Variants in MYO10 observed in about 807,000 individuals in gnomAD.
MYO10 encodes the protein unconventional myosin-X.
MYO10 carries 133 observed loss-of-function variants against 257.3 expected under a neutral mutation model. That is an observed-to-expected ratio of 0.52 (90% confidence interval 0.45 to 0.60). The LOEUF is 0.60. Ranked by LOEUF, MYO10 falls within the 20% of genes least tolerant of loss-of-function variation. The probability of loss-of-function intolerance (pLI) is 0.00; values close to 1 mark genes in which losing one functional copy is unlikely to be tolerated. For synonymous variants in MYO10, 1,104 were observed against 1,028.6 expected (o/e 1.07, Z -1.40); for missense variants, 2,399 against 2,635.7 (o/e 0.91, Z 1.97).
chr5:16,761,484 G>A lies in MYO10; in HGVS notation c.1719C>T (p.Leu573=), dbSNP rs780592938. 5.6e-6 allele frequency: 9 copies of A among 1,613,052 alleles called. No individual in the cohort carries two copies. The highest frequency in any genetic ancestry group is 1.6e-4 in the Middle Eastern group (1 of 6,084). ...CATACCGGCTTTCTCTTAGCAAATT[G>A]AGAAGGTCATCTCGAAATGTATCTC... is the stretch of plus-strand genomic sequence containing the variant. ...KNRDTFRDDL[L]NLLRESRFDF... Residue 573 remains leucine, a synonymous_variant, in exon 17 of 41, where the codon CTC becomes CTT. Coordinates refer to ENST00000513610, the MANE Select transcript of MYO10 (RefSeq NM_012334.3).
chr5:16,815,252 G>A, intron 3 of MYO10: 1 of 511,522 alleles, frequency 2.0e-6, no homozygotes, highest in Non-Finnish European at 3.4e-6. Flanking sequence ...GAAATGCCTG[G>A]GACACAAAGT....
At chr5:16,793,260 A>G (rs1741824889) in intron 4 of MYO10, among the ~76,000 whole-genome samples, 2 of 152,170 alleles carry the variant, frequency 1.3e-5, no homozygotes, top group South Asian at 4.1e-4. Flanking sequence ...ACAAACTCCA[A>G]CAGGATGTCA....
intron 26 of MYO10, 143 bp from the exon 27 acceptor site, chr5:16,694,757 A>G: frequency 9.4e-7 from 1 of 1,068,914 alleles, no homozygotes; most frequent in Non-Finnish European, 1.4e-6. Context: ...CTCAGTGAGG[A>G]GTGGCACTGC....
Position 16,681,863 on chromosome 5 carries a change from G to A in MYO10, c.4189+8C>T. 3.7e-6 allele frequency: 6 copies of A among 1,613,442 alleles called. No individual in the cohort carries two copies. The highest frequency in any genetic ancestry group is 5.1e-6 in the Non-Finnish European group (6 of 1,179,554). ...TAAGCAGACCGAGGAAGCAGGGCAGGCAGTCACCTCTCACGATGAATTCCT... is the reference window on the plus strand; with the variant it reads ...TAAGCAGACCGAGGAAGCAGGGCAGACAGTCACCTCTCACGATGAATTCCT... On this transcript the variant is annotated splice_region_variant and intron_variant, in intron 31 of 40. Coordinates refer to ENST00000513610, the MANE Select transcript of MYO10 (RefSeq NM_012334.3).
At position 16,670,763 on chromosome 5, in the gene MYO10, C is replaced by T. The variant is rs772693316; in HGVS notation, c.5646G>A (p.Thr1882=). ...GCCTCAGGGTCCCCTCTAGGAAGCT[C>T]GTCCGCCTCTTCTCCAGCCGTTCAC... ...TPCERLEKRR[T]SFLEGTLRRS... Residue 1882 remains threonine, a synonymous_variant, in exon 39 of 41, where the codon ACG becomes ACA. Coordinates refer to ENST00000513610, the MANE Select transcript of MYO10 (RefSeq NM_012334.3). 1.4e-5 allele frequency: 23 copies of T among 1,613,906 alleles called. No individual in the cohort carries two copies. Among genetic ancestry groups the T allele is most frequent in the Middle Eastern group, 1.6e-4 (1 of 6,084 alleles).
chr5:16,664,424 A>G lies in MYO10; in HGVS notation c.*2268T>C, dbSNP rs1736080403. ...CTGAGCCTAAAATAAAAACAAAGAC[A>G]ACACACATCCAAGTCTTTGCCGGCT... On this transcript the variant is annotated 3_prime_UTR_variant, in exon 41 of 41. Coordinates refer to ENST00000513610, the MANE Select transcript of MYO10 (RefSeq NM_012334.3). 1 of 152,198 alleles carries G rather than the reference A, an allele frequency of 6.6e-6. No homozygotes were observed. Among genetic ancestry groups the G allele is most frequent in the Non-Finnish European group, 1.5e-5 (1 of 68,054 alleles). The allele number at this position is 152,198 out of a possible 1,614,324, so 9.4% of individuals were successfully genotyped here. A position where few individuals can be genotyped will look rare whatever the true frequency, so the allele number is the denominator to read the frequency against.
intron 28 of MYO10, among the ~76,000 whole-genome samples, chr5:16,689,075 T>G (rs1320329631): frequency 6.6e-6 from 1 of 152,206 alleles, no homozygotes; most frequent in Non-Finnish European, 1.5e-5. Context: ...AGAAGTTCAA[T>G]GTCTCCATTC....
intron 38 of MYO10, 148 bp from the exon 39 acceptor site, chr5:16,671,126 C>T (rs1736439233): frequency 2.5e-6 from 2 of 813,022 alleles, no homozygotes; most frequent in East Asian, 5.4e-5. Context: ...ACCCCTGGCT[C>T]ACTGCTTTAA....
chr5:16,778,043 G>A (rs1741275797), intron 9 of MYO10, among the ~76,000 whole-genome samples: 1 of 151,634 alleles, frequency 6.6e-6, no homozygotes, highest in African/African-American at 2.4e-5. Context: ...GCAGTGACGG[G>A]GTTTCACTAT....
chr5:16,674,522 T>C (rs1424305872), intron 35 of MYO10, among the ~76,000 whole-genome samples: 1 of 151,476 alleles, frequency 6.6e-6, no homozygotes, highest in African/African-American at 2.4e-5. Context: ...AAAATCTCAA[T>C]TAGATTGTTT....
At chr5:16,684,641 C>T (rs968672077) in intron 29 of MYO10, among the ~76,000 whole-genome samples, 3 of 152,216 alleles carry the variant, frequency 2.0e-5, no homozygotes, top group African/African-American at 7.2e-5. Context: ...TTAAATCTTA[C>T]ACTTCTTCTC....
At chr5:16,739,897 T>C (rs1007717687) in intron 19 of MYO10, among the ~76,000 whole-genome samples, 19 of 152,070 alleles carry the variant, frequency 1.2e-4, no homozygotes, top group African/African-American at 4.6e-4. Context: ...TGAGGAGGGG[T>C]GAACGCAAAC....
intron 21 of MYO10, among the ~76,000 whole-genome samples, chr5:16,709,669 G>A (rs879355204): frequency 6.6e-6 from 1 of 152,230 alleles, no homozygotes; most frequent in Non-Finnish European, 1.5e-5. Context: ...TACAGGGACT[G>A]CAGGCTTGGG....
At chr5:16,791,569 T>C (rs867824138) in intron 4 of MYO10, among the ~76,000 whole-genome samples, 3,803 of 30,682 alleles carry the variant, frequency 0.12, 159 homozygotes, top group African/African-American at 0.33. Flanking sequence ...CACATACACA[T>C]ATGCACAATG....
Position 16,689,880 on chromosome 5 carries a change from G to T in MYO10, c.3840C>A (p.Asp1280Glu). The T allele has an allele frequency of 6.2e-7, 1 of 1,613,702 alleles. No individual in the cohort carries two copies. The highest frequency in any genetic ancestry group is 8.5e-7 in the Non-Finnish European group (1 of 1,179,774). ...GGAAAGTCCTATCGGCCATAATGAT[G>T]TCGATCCCATTCTCCTTGGTGGTGT... ...IDNTTKENGI[D>E]IIMADRTFHL... The change falls in exon 28 of 41, where the codon GAC becomes GAA. Residue 1280 changes from aspartate (D) to glutamate (E), a missense_variant. By Grantham distance (45) the Asp-to-Glu change is conservative. Around this residue, in one of 3 missense-constraint regions of MYO10, gnomAD observed 1,820 missense variants for 1,939.4 expected, o/e 0.94. Coordinates refer to ENST00000513610, the MANE Select transcript of MYO10 (RefSeq NM_012334.3).
At chr5:16,807,475 C>T (rs892361908) in intron 3 of MYO10, among the ~76,000 whole-genome samples, 9 of 152,130 alleles carry the variant, frequency 5.9e-5, no homozygotes, top group African/African-American at 2.2e-4. Flanking sequence ...TCATCCACCA[C>T]CCTGTGACCA....
intron 19 of MYO10, 44 bp from the exon 20 acceptor site, chr5:16,711,289 T>A (rs771737440): frequency 1.9e-6 from 3 of 1,572,956 alleles, no homozygotes; most frequent in Non-Finnish European, 2.6e-6. Context: ...TTAGAAAAAA[T>A]GGAATTCGAT....
At chr5:16,802,743 C>G (rs1162232921) in intron 3 of MYO10, among the ~76,000 whole-genome samples, 1 of 151,208 alleles carries the variant, frequency 6.6e-6, no homozygotes, top group Non-Finnish European at 1.5e-5. Flanking sequence ...ACATTAATCT[C>G]TAAGTATAAA....
intron 1 of MYO10, 44 bp downstream of exon 1, chr5:16,935,744 C>G (rs978921141): frequency 5.6e-6 from 9 of 1,612,672 alleles, no homozygotes; most frequent in South Asian, 4.4e-5. Context: ...AGACGCCTCT[C>G]TCCCTGGGCT....
Sources: allele counts gnomAD v4.1 joint callset (sites outside exome capture counted in the v4.1 genomes callset), GRCh38; gene constraint gnomAD v4.1.1; regional missense constraint gnomAD v4.1.1; transcripts MANE v1.5; gene names NCBI Gene and HGNC (gene_info 2026-07-23, HGNC 2026-07-21).